NELL2: variants seen among roughly 807,000 people sequenced by gnomAD.
The protein encoded by NELL2 is neural EGFL like 2, also known as protein kinase C-binding protein NELL2.
NELL2 carries 41 observed loss-of-function variants against 109.6 expected under a neutral mutation model. The ratio of observed to expected loss-of-function variants is 0.37; its 90% CI spans 0.29 to 0.49. The LOEUF is 0.49. NELL2 is among the 20% of genes least tolerant of loss of function. The pLI, the probability that NELL2 is intolerant of heterozygous loss-of-function variation, is 0.98. For missense variants in NELL2, 900 were observed against 1,008.3 expected, an observed-to-expected ratio of 0.89 and a Z score of 1.45; for synonymous variants, 355 against 344.7, an observed-to-expected ratio of 1.03 and a Z score of -0.33.
At chr12:44,904,608 C>T (rs970987553) in intron 1 of NELL2, among the ~76,000 whole-genome samples, 13 of 152,074 alleles carry the variant, frequency 8.5e-5, no homozygotes, top group African/African-American at 3.1e-4. Flanking sequence ...CCCAGTTACC[C>T]TCATTGAATT....
rs147297661 is a variant in NELL2 at position 44,513,443 on chromosome 12, G to T, written c.2401-4459C>A. 2.9e-3 allele frequency among the ~76,000 whole-genome samples: 434 copies of T among 151,992 alleles called. 3 individuals are homozygous for T. Among genetic ancestry groups the T allele is most frequent in the African/African-American group, 7.5e-3 (313 of 41,530 alleles). ...TAATGAAGAGAAAAAGCAGTGAATG[G>T]AAAATGACTCGAAGATGATCCAGAT... is the stretch of plus-strand genomic sequence containing the variant. On this transcript the variant is annotated intron_variant, in intron 19 of 19. Coordinates refer to ENST00000429094, the MANE Select transcript of NELL2 (RefSeq NM_001145108.2).
At chr12:44,745,088 C>T (rs1031915731) in intron 9 of NELL2, among the ~76,000 whole-genome samples, 11 of 152,144 alleles carry the variant, frequency 7.2e-5, no homozygotes, top group Admixed American at 1.3e-4. Flanking sequence ...AGCAGCACAT[C>T]GAAAAGCTTA....
intron 1 of NELL2, among the ~76,000 whole-genome samples, chr12:44,896,965 G>A (rs960375259): frequency 1.3e-5 from 2 of 152,184 alleles, no homozygotes; most frequent in Non-Finnish European, 2.9e-5. Flanking sequence ...TTTAAGCACA[G>A]GAGTGACTTA....
chr12:44,883,482 A>T (rs1186831369), intron 1 of NELL2, among the ~76,000 whole-genome samples: 1 of 151,942 alleles, frequency 6.6e-6, no homozygotes, highest in East Asian at 1.9e-4. Context: ...CCATCTGAAG[A>T]CCCTTTGCCT....
intron 15 of NELL2, among the ~76,000 whole-genome samples, chr12:44,567,595 A>G (rs2136191017): frequency 6.6e-6 from 1 of 152,310 alleles, no homozygotes; most frequent in Admixed American, 6.5e-5. Flanking sequence ...ATGTACTGAA[A>G]TATAGCCTAG....
intron 14 of NELL2, among the ~76,000 whole-genome samples, chr12:44,608,906 A>G (rs1945505839): frequency 6.7e-6 from 1 of 149,758 alleles, no homozygotes; most frequent in African/African-American, 2.4e-5. Context: ...ATATATATAC[A>G]TATATATATG....
intron 11 of NELL2, among the ~76,000 whole-genome samples, chr12:44,709,373 A>C (rs1441043113): frequency 6.6e-6 from 1 of 152,166 alleles, no homozygotes; most frequent in Non-Finnish European, 1.5e-5. Flanking sequence ...GATTACGTAG[A>C]GAGGGAGGGA....
At chr12:44,563,967 A>G (rs976506169) in intron 15 of NELL2, among the ~76,000 whole-genome samples, 8 of 152,198 alleles carry the variant, frequency 5.3e-5, no homozygotes, top group Non-Finnish European at 1.5e-5. Context: ...GGTCAATAAT[A>G]TAGCATATAT....
In NELL2 at chr12:44,730,904, G is replaced by GGGAA. The variant is rs558038107; in HGVS notation, c.995-16167_995-16164dup. The stretch of plus-strand genomic sequence containing the variant: ...GTAGACTAAGAAGGAAAGCAAAAAA[G>GGGAA]GGAAGACTCAAGTAAAATCAGAAAT... On this transcript the variant is annotated intron_variant, in intron 9 of 19. Coordinates refer to ENST00000429094, the MANE Select transcript of NELL2 (RefSeq NM_001145108.2). Among the ~76,000 whole-genome samples, 416 of 151,976 alleles carry GGGAA rather than the reference G, an allele frequency of 2.7e-3. 1 individual carries two copies. Among genetic ancestry groups the GGGAA allele is most frequent in the Non-Finnish European group, 5.2e-3 (353 of 67,922 alleles).
At chr12:44,775,975 T>G (rs1368941023) in intron 8 of NELL2, 47 bp downstream of exon 8, 1 of 1,591,682 alleles carries the variant, frequency 6.3e-7, no homozygotes. Context: ...TTTTAAAGAG[T>G]GGGAGCATCT....
chr12:44,775,999 C>T lies in NELL2; in HGVS notation c.891+23G>A, dbSNP rs1194307727. ...GTGGGAGCATCTGAGTTCCCTTAGT[C>T]TCAACTCAAATAGAAGCCATACCAG... On this transcript the variant is annotated intron_variant, in intron 8 of 19. Coordinates refer to ENST00000429094, the MANE Select transcript of NELL2 (RefSeq NM_001145108.2). 5 of 1,607,010 alleles carry T rather than the reference C, an allele frequency of 3.1e-6. No homozygotes were observed. The African/African-American group carries it at 5.4e-5, about 17-fold the overall frequency.
intron 2 of NELL2, among the ~76,000 whole-genome samples, chr12:44,830,533 T>C (rs1943853159): frequency 6.6e-6 from 1 of 152,158 alleles, no homozygotes; most frequent in Non-Finnish European, 1.5e-5. Flanking sequence ...CCACAGGGCA[T>C]GGGGCACATT....
At chr12:44,681,256 TC>T (rs1023250058) in intron 12 of NELL2, among the ~76,000 whole-genome samples, 1 of 149,906 alleles carries the variant, frequency 6.7e-6, no homozygotes, top group African/African-American at 2.5e-5. Context: ...TCATCCTATT[TC>T]CAGCAGTTTT....
chr12:44,755,422 C>T (rs1265226469), intron 9 of NELL2, among the ~76,000 whole-genome samples: 1 of 152,062 alleles, frequency 6.6e-6, no homozygotes, highest in Non-Finnish European at 1.5e-5. Context: ...TCACTGCTGA[C>T]TTTGAAATCT....
chr12:44,574,481 T>C (rs1943994713), intron 15 of NELL2, among the ~76,000 whole-genome samples: 1 of 152,198 alleles, frequency 6.6e-6, no homozygotes, highest in South Asian at 2.1e-4. Context: ...ACCCACTTAA[T>C]ATTTTCAATA....
At chr12:44,730,298 A>G (rs1235469713) in intron 9 of NELL2, among the ~76,000 whole-genome samples, 1 of 152,180 alleles carries the variant, frequency 6.6e-6, no homozygotes, top group Admixed American at 6.5e-5. Flanking sequence ...AATCTAACAG[A>G]CATATATAGA....
intron 12 of NELL2, among the ~76,000 whole-genome samples, chr12:44,676,803 G>C (rs1482683835): frequency 2.0e-5 from 3 of 152,058 alleles, no homozygotes; most frequent in African/African-American, 7.2e-5. Context: ...AGAAAAATGA[G>C]AGAATGTGGA....
chr12:44,617,691 C>CAA lies in NELL2; in HGVS notation c.1445-6723_1445-6722dup, dbSNP rs975070930. On this transcript the variant is annotated intron_variant, in intron 13 of 19. Coordinates refer to ENST00000429094, the MANE Select transcript of NELL2 (RefSeq NM_001145108.2). ...TGGGCGACAGAGCGAGACTCCGTCT[C>CAA]AAAAAAAAAAAAAAAAAAAAAAGAA... Among the ~76,000 whole-genome samples, 91 of 22,068 alleles carry CAA rather than the reference C, an allele frequency of 4.1e-3. 1 individual carries two copies. Among genetic ancestry groups the CAA allele is most frequent in the Non-Finnish European group, 4.8e-3 (65 of 13,460 alleles). The allele number at this position is 22,068 out of a possible 152,430, so 14.5% of individuals were successfully genotyped here.
chr12:44,547,081 A>G (rs1158395598), intron 15 of NELL2, among the ~76,000 whole-genome samples: 1 of 152,150 alleles, frequency 6.6e-6, no homozygotes, highest in Non-Finnish European at 1.5e-5. Context: ...AACAATCTCT[A>G]TACGAACAGA....
Sources: gnomAD v4.1 joint callset for allele counts (sites outside exome capture counted in the v4.1 genomes callset) on GRCh38, gnomAD v4.1.1 for gene constraint, MANE v1.5 for transcripts, NCBI Gene and HGNC (gene_info 2026-07-23, HGNC 2026-07-21) for gene names.